SLC39A11: variants seen among roughly 807,000 people sequenced by gnomAD.
SLC39A11 encodes zinc transporter ZIP11.
A neutral mutation model predicts 36.1 loss-of-function variants in SLC39A11; 33 were observed. The observed-to-expected ratio is 0.91, with a 90% CI of 0.69 to 1.22. SLC39A11 has a LOEUF of 1.22. Among genes scored for constraint, SLC39A11 ranks in the 50% most tolerant of loss-of-function variants. SLC39A11 has a pLI of 0.00. For missense variants in SLC39A11, 432 were observed against 430.3 expected (o/e 1.00, Z -0.03); for synonymous variants, 166 against 170.3 (o/e 0.97, Z 0.20).
chr17:72,764,623 G>A (rs183002865), intron 6 of SLC39A11, among the ~76,000 whole-genome samples: 1 of 152,240 alleles, frequency 6.6e-6, no homozygotes, highest in East Asian at 1.9e-4. Context: ...ACCGATGGCT[G>A]TGGCTGCACC....
chr17:72,899,671 G>A (rs1022203050), intron 5 of SLC39A11, among the ~76,000 whole-genome samples: 11 of 152,294 alleles, frequency 7.2e-5, no homozygotes, highest in Admixed American at 2.0e-4. Flanking sequence ...GGGAGAGAAC[G>A]ACAGCAGGGG....
chr17:72,686,984 G>A (rs1026917762), intron 7 of SLC39A11, among the ~76,000 whole-genome samples: 5 of 152,112 alleles, frequency 3.3e-5, no homozygotes, highest in African/African-American at 4.8e-5. Context: ...TAATCAGGAG[G>A]GGAATTCTTT....
intron 5 of SLC39A11, among the ~76,000 whole-genome samples, chr17:72,852,130 A>G (rs1030343098): frequency 1.1e-4 from 16 of 139,576 alleles, no homozygotes; most frequent in African/African-American, 4.3e-4. Context: ...GCTTGAACCC[A>G]GGAGGCGGAG....
At chr17:72,659,644 G>A (rs928441833) in intron 7 of SLC39A11, among the ~76,000 whole-genome samples, 10 of 144,752 alleles carry the variant, frequency 6.9e-5, no homozygotes, top group Middle Eastern at 3.4e-3. Flanking sequence ...GTGCAGTGGC[G>A]CGATCTTGGG....
intron 6 of SLC39A11, among the ~76,000 whole-genome samples, chr17:72,804,884 G>C (rs769122557): frequency 1.3e-5 from 2 of 152,128 alleles, no homozygotes; most frequent in Non-Finnish European, 2.9e-5. Context: ...GCCAGGCGTG[G>C]TGGCGTGCAC....
chr17:72,945,359 T>C (rs1477962739), intron 5 of SLC39A11, among the ~76,000 whole-genome samples: 2 of 152,240 alleles, frequency 1.3e-5, no homozygotes, highest in Non-Finnish European at 2.9e-5. Context: ...TATGATGTTT[T>C]AAAGGCTAAT....
At chr17:72,651,555 T>C (rs1040799670) in intron 7 of SLC39A11, among the ~76,000 whole-genome samples, 1 of 152,032 alleles carries the variant, frequency 6.6e-6, no homozygotes, top group Non-Finnish European at 1.5e-5. Flanking sequence ...TGATGGAGAA[T>C]AGTGAGCACC....
In SLC39A11 at chr17:72,864,241, G is replaced by A. The variant is rs556605234; in HGVS notation, c.431-14437C>T. ...CATATATGGACAAAATGCATAAAATGCAGATTTCCTGGCCTCATCCACCAG... is the reference window on the plus strand; with the variant it reads ...CATATATGGACAAAATGCATAAAATACAGATTTCCTGGCCTCATCCACCAG... On this transcript the variant is annotated intron_variant, in intron 5 of 9. Coordinates refer to ENST00000255559, the MANE Select transcript of SLC39A11 (RefSeq NM_139177.4). Among the ~76,000 whole-genome samples, 7 of 151,968 alleles carry A rather than the reference G, an allele frequency of 4.6e-5. No homozygotes were observed. The East Asian group carries it at 1.4e-3, about 29-fold the overall frequency.
intron 3 of SLC39A11, among the ~76,000 whole-genome samples, chr17:73,074,184 C>G: frequency 6.6e-6 from 1 of 151,910 alleles, no homozygotes. Context: ...TTTCCAAAGA[C>G]CCTGAATTCA....
chr17:72,949,144 C>CTTTTGTGTTTTTTTT (rs2085662775), intron 4 of SLC39A11, among the ~76,000 whole-genome samples: 1 of 36,474 alleles, frequency 2.7e-5, no homozygotes, highest in African/African-American at 8.3e-5. Flanking sequence ...CACTGGGCAG[C>CTTTTGTGTTTTTTTT]TTTTTTTTTT....
intron 3 of SLC39A11, among the ~76,000 whole-genome samples, chr17:73,065,280 C>T (rs2059965661): frequency 6.6e-6 from 1 of 152,126 alleles, no homozygotes; most frequent in Non-Finnish European, 1.5e-5. Context: ...TGGCAGGCGC[C>T]TGTGATCCCA....
intron 7 of SLC39A11, among the ~76,000 whole-genome samples, chr17:72,713,885 G>C (rs1308510363): frequency 2.0e-5 from 3 of 152,140 alleles, no homozygotes; most frequent in African/African-American, 7.2e-5. Context: ...GCCATTCATA[G>C]GCCCATTATA....
intron 6 of SLC39A11, chr17:72,821,568 A>G (rs1409410462): frequency 6.7e-6 from 1 of 149,486 alleles, no homozygotes; most frequent in East Asian, 1.9e-4. Context: ...TTTTTTGTGG[A>G]AAAAAAAATC....
chr17:72,755,417 C>G (rs1488626100), intron 6 of SLC39A11, among the ~76,000 whole-genome samples: 2 of 152,186 alleles, frequency 1.3e-5, no homozygotes, highest in Non-Finnish European at 2.9e-5. Context: ...CTTTAAAACC[C>G]ACATACAAAA....
chr17:72,655,730 G>A (rs960661780), intron 7 of SLC39A11, among the ~76,000 whole-genome samples: 5 of 152,216 alleles, frequency 3.3e-5, no homozygotes, highest in Non-Finnish European at 5.9e-5. Context: ...GGGGAGCTTT[G>A]GAGGAGATCT....
intron 7 of SLC39A11, among the ~76,000 whole-genome samples, chr17:72,731,295 C>T (rs1274185286): frequency 6.6e-6 from 1 of 152,102 alleles, no homozygotes; most frequent in Non-Finnish European, 1.5e-5. Context: ...GTAGAGAATC[C>T]GTCTCTGCCT....
intron 4 of SLC39A11, chr17:72,992,792 T>G (rs2089261368): frequency 6.6e-6 from 1 of 152,216 alleles, no homozygotes; most frequent in Admixed American, 6.5e-5. Flanking sequence ...GGGTTCAGAT[T>G]GGCACATGGG....
intron 6 of SLC39A11, among the ~76,000 whole-genome samples, chr17:72,771,952 C>A (rs917779209): frequency 6.6e-6 from 1 of 152,186 alleles, no homozygotes; most frequent in African/African-American, 2.4e-5. Context: ...CTTTCCACCA[C>A]CAACCCTCCT....
At position 72,813,538 on chromosome 17, in the gene SLC39A11, C is replaced by A. The variant is rs145114901; in HGVS notation, c.601+36096G>T. On this transcript the variant is annotated intron_variant, in intron 6 of 9. Transcript: ENST00000255559. ...GGCAAATACATTCATGGATCAGACCCTGGGACTAGTTCTATCCTCCTCTAT... is the reference window on the plus strand; with the variant it reads ...GGCAAATACATTCATGGATCAGACCATGGGACTAGTTCTATCCTCCTCTAT... Among the ~76,000 whole-genome samples the A allele has an allele frequency of 7.2e-5, 11 of 152,298 alleles. No individual in the cohort carries two copies. In the East Asian group the frequency reaches 2.1e-3, roughly 29 times the overall value.
Sources: allele counts gnomAD v4.1 joint callset (sites outside exome capture counted in the v4.1 genomes callset), GRCh38; gene constraint gnomAD v4.1.1; transcripts MANE v1.5; gene names NCBI Gene and HGNC (gene_info 2026-07-23, HGNC 2026-07-21).